Variants in ADAMTSL1 observed in about 807,000 individuals in gnomAD.
The protein encoded by ADAMTSL1 is ADAMTS-like protein 1.
ADAMTSL1 carries 126 observed loss-of-function variants against 201.8 expected under a neutral mutation model. That is an observed-to-expected ratio of 0.62 (90% confidence interval 0.54 to 0.72). The LOEUF is 0.72. Among genes scored for constraint, ADAMTSL1 ranks in the 30% least tolerant of loss-of-function variants. The probability of loss-of-function intolerance (pLI) is 0.00; values close to 1 mark genes in which losing one functional copy is unlikely to be tolerated. For synonymous variants in ADAMTSL1, 1,121 were observed against 903.4 expected (o/e 1.24, Z -4.32); for missense variants, 2,679 against 2,277.8 (o/e 1.18, Z -3.59).
At chr9:18,260,785 C>T (rs1266575889) in intron 2 of ADAMTSL1, among the ~76,000 whole-genome samples, 2 of 152,084 alleles carry the variant, frequency 1.3e-5, no homozygotes, top group Admixed American at 6.6e-5. Context: ...AGGCCACTTA[C>T]GGGGGAGGTG....
chr9:18,879,389 T>A (rs1293775933), intron 23 of ADAMTSL1, among the ~76,000 whole-genome samples: 1 of 152,204 alleles, frequency 6.6e-6, no homozygotes, highest in Non-Finnish European at 1.5e-5. Flanking sequence ...CAGGATTTTT[T>A]TAAAATTTTT....
intron 15 of ADAMTSL1, among the ~76,000 whole-genome samples, chr9:18,737,319 CAA>C (rs59511409): frequency 0.051 from 2,708 of 53,488 alleles, 31 homozygotes; most frequent in South Asian, 0.093. Flanking sequence ...AACTCTGTCT[CAA>C]AAAAAAAAAA....
At chr9:18,195,194 G>A (rs563926077) in intron 2 of ADAMTSL1, among the ~76,000 whole-genome samples, 175 of 152,186 alleles carry the variant, frequency 1.1e-3, no homozygotes, top group African/African-American at 3.9e-3. Context: ...AGTAAAATTC[G>A]TAGTCAGTTC....
rs768627346 is a variant in ADAMTSL1, at chr9:18,777,496, C to T, written c.3267C>T (p.Pro1089=). 2 of 1,594,428 alleles carry T rather than the reference C, an allele frequency of 1.3e-6. No homozygotes were observed. The highest frequency in any genetic ancestry group is 1.7e-6 in the Non-Finnish European group (2 of 1,171,062). ...DDILGNLSQQ[P]EELRDLYSKH... ...TCCTGGGGAACCTCTCCCAGCAGCC[C>T]GAGGAGCTGCGCGACCTCTACAGCA... is the stretch of plus-strand genomic sequence containing the variant. Residue 1089 remains proline, a synonymous_variant, in exon 19 of 29, where the codon CCC becomes CCT. Transcript: ENST00000380548.
chr9:18,120,402 A>G lies in ADAMTSL1; in HGVS notation c.88-43460A>G, dbSNP rs186699650. On this transcript the variant is annotated intron_variant, in intron 1 of 29. Coordinates refer to the ADAMTSL1 transcript ENST00000680146. Reference sequence around the variant, plus strand: ...CTGTTCATCACACACCATTCCTGGTACAATACAAGAGGGGAATGGAGGAGG... The same window carrying G: ...CTGTTCATCACACACCATTCCTGGTGCAATACAAGAGGGGAATGGAGGAGG... Among the ~76,000 whole-genome samples, 344 of 152,324 alleles carry G rather than the reference A, an allele frequency of 2.3e-3. 2 individuals carry two copies. The highest frequency in any genetic ancestry group is 4.2e-3 in the Non-Finnish European group (286 of 68,022).
In ADAMTSL1 at chr9:18,672,260, C is replaced by G. The variant is rs188048995; in HGVS notation, c.1086-3597C>G. Among the ~76,000 whole-genome samples, 1,045 of 151,628 alleles carry G rather than the reference C, an allele frequency of 6.9e-3. 8 individuals carry two copies. The highest frequency in any genetic ancestry group is 0.01 in the Non-Finnish European group (702 of 67,926). ...ATCACTTCTGCACAGACTCAATGAT[C>G]TTGAAGTAACGCATGGAATTTGAGG... On this transcript the variant is annotated intron_variant, in intron 9 of 28. Coordinates refer to ENST00000380548, the MANE Select transcript of ADAMTSL1 (RefSeq NM_001040272.6).
At chr9:18,592,439 T>A (rs1823983813) in intron 4 of ADAMTSL1, among the ~76,000 whole-genome samples, 1 of 152,166 alleles carries the variant, frequency 6.6e-6, no homozygotes, top group Admixed American at 6.6e-5. Context: ...ATGCTGAATG[T>A]CCACAGATTG....
chr9:18,733,045 T>G (rs1465426642), intron 15 of ADAMTSL1, among the ~76,000 whole-genome samples: 5 of 152,180 alleles, frequency 3.3e-5, no homozygotes, highest in African/African-American at 9.7e-5. Context: ...CAAGGTATAT[T>G]TAATTCCAAA....
Position 18,829,908 on chromosome 9 carries a change from C to T in ADAMTSL1, c.4180C>T (p.Leu1394Phe). Residue 1394 changes from leucine (L) to phenylalanine (F), a missense_variant, in exon 23 of 29, where the codon CTT becomes TTT. By Grantham distance (22) the Leu-to-Phe change is conservative. Coordinates refer to ENST00000380548, the MANE Select transcript of ADAMTSL1 (RefSeq NM_001040272.6). The part of the protein sequence containing the change: ...RALLAATGPN[L>F]PSVLTSPLGT... ...CTTGCTCGCTGCCACTGGACCGAAC[C>T]TTCCTTCAGTGCTGACGTCTCCTCT... The T allele has an allele frequency of 6.2e-7, 1 of 1,613,944 alleles. No individual in the cohort carries two copies. Among genetic ancestry groups the T allele is most frequent in the African/African-American group, 1.3e-5 (1 of 75,020 alleles).
intron 2 of ADAMTSL1, among the ~76,000 whole-genome samples, chr9:18,391,515 AG>A (rs1295372312): frequency 6.6e-6 from 1 of 152,074 alleles, no homozygotes; most frequent in African/African-American, 2.4e-5. Context: ...GTGCCATAAT[AG>A]CTCACTGTAG....
intron 10 of ADAMTSL1, among the ~76,000 whole-genome samples, chr9:18,676,861 T>C (rs1830160895): frequency 6.6e-6 from 1 of 152,064 alleles, no homozygotes; most frequent in South Asian, 2.1e-4. Flanking sequence ...AATCTCCAAA[T>C]ACATAATGAA....
At chr9:18,138,864 C>T (rs976946707) in intron 1 of ADAMTSL1, among the ~76,000 whole-genome samples, 8 of 152,056 alleles carry the variant, frequency 5.3e-5, no homozygotes, top group Non-Finnish European at 8.8e-5. Flanking sequence ...AAGTGGATTG[C>T]ACCATAGCCA....
intron 1 of ADAMTSL1, among the ~76,000 whole-genome samples, chr9:18,111,561 C>G (rs190269277): frequency 6.6e-6 from 1 of 152,270 alleles, no homozygotes; most frequent in East Asian, 1.9e-4. Context: ...CTATCATCAT[C>G]ATTGTCAATA....
At chr9:18,537,979 G>GAA (rs1554699362) in intron 3 of ADAMTSL1, among the ~76,000 whole-genome samples, 9 of 137,758 alleles carry the variant, frequency 6.5e-5, no homozygotes, top group South Asian at 2.3e-4. Context: ...AAGAAGAAGA[G>GAA]GAGGAAGAGG....
chr9:18,522,172 G>A (rs1017292064), intron 2 of ADAMTSL1, among the ~76,000 whole-genome samples: 1 of 152,096 alleles, frequency 6.6e-6, no homozygotes, highest in Non-Finnish European at 1.5e-5. Context: ...GTGGTGAGCT[G>A]AAAAACTACC....
chr9:17,940,712 C>CAAAAA (rs60466124), intron 1 of ADAMTSL1, among the ~76,000 whole-genome samples: 2 of 88,682 alleles, frequency 2.3e-5, no homozygotes, highest in African/African-American at 4.4e-5. Flanking sequence ...GCATAACGTG[C>CAAAAA]AAAAAAAAAA....
chr9:18,190,639 T>C (rs1044161641), intron 2 of ADAMTSL1, among the ~76,000 whole-genome samples: 1 of 152,218 alleles, frequency 6.6e-6, no homozygotes, highest in Non-Finnish European at 1.5e-5. Flanking sequence ...ACCCATTAAA[T>C]AAATCCTGCT....
chr9:18,013,592 G>A (rs925430565), intron 1 of ADAMTSL1, among the ~76,000 whole-genome samples: 2 of 151,988 alleles, frequency 1.3e-5, no homozygotes, highest in African/African-American at 4.8e-5. Context: ...GGAAATTACT[G>A]AGCAAAAATG....
chr9:18,612,700 C>T (rs1210600995), intron 4 of ADAMTSL1, among the ~76,000 whole-genome samples: 1 of 152,136 alleles, frequency 6.6e-6, no homozygotes, highest in Non-Finnish European at 1.5e-5. Flanking sequence ...CACTTCCTTA[C>T]ACCACATGCA....
Sources: gnomAD v4.1 joint callset for allele counts (sites outside exome capture counted in the v4.1 genomes callset) on GRCh38, gnomAD v4.1.1 for gene constraint, MANE v1.5 for transcripts, NCBI Gene and HGNC (gene_info 2026-07-23, HGNC 2026-07-21) for gene names.